Variants in LNX1 observed in about 807,000 individuals in gnomAD.
The protein encoded by LNX1 is ligand of numb-protein X 1.
Under a neutral mutation model 68.4 loss-of-function variants are expected in LNX1, and 54 were observed. That is an observed-to-expected ratio of 0.79 (90% CI 0.63 to 0.99). The LOEUF is 0.99. Among genes scored for constraint, LNX1 ranks in the 50% least tolerant of loss-of-function variants. The pLI is 0.00. For synonymous variants in LNX1, 336 were observed against 350.0 expected (o/e 0.96, Z 0.45); for missense variants, 906 against 926.4 (o/e 0.98, Z 0.29).
chr4:53,589,132 A>C (rs1477073755), intron 1 of LNX1, among the ~76,000 whole-genome samples: 1 of 152,188 alleles, frequency 6.6e-6, no homozygotes, highest in Non-Finnish European at 1.5e-5. Flanking sequence ...ACTCTCTGCC[A>C]AGTCAGATTA....
intron 1 of LNX1, among the ~76,000 whole-genome samples, chr4:53,633,824 G>C (rs1734365253): frequency 1.3e-5 from 2 of 152,192 alleles, no homozygotes; most frequent in African/African-American, 2.4e-5. Flanking sequence ...CCACAAACCA[G>C]CTGTGGGACT....
intron 9 of LNX1, among the ~76,000 whole-genome samples, chr4:53,465,006 A>G (rs1344429381): frequency 6.6e-6 from 1 of 152,174 alleles, no homozygotes; most frequent in Non-Finnish European, 1.5e-5. Flanking sequence ...GCAATATCAA[A>G]TTTATCACCT....
intron 1 of LNX1, among the ~76,000 whole-genome samples, chr4:53,623,422 A>T (rs1733958195): frequency 6.6e-6 from 1 of 151,664 alleles, no homozygotes; most frequent in South Asian, 2.1e-4. Context: ...TTTGGTAGAG[A>T]CAGGATTTCA....
chr4:53,549,167 TA>T, intron 2 of LNX1, among the ~76,000 whole-genome samples: 1 of 152,032 alleles, frequency 6.6e-6, no homozygotes, highest in Middle Eastern at 3.4e-3. Flanking sequence ...AAATCTAAAA[TA>T]AAAGTAAAAA....
upstream of LNX1, among the ~76,000 whole-genome samples, chr4:53,594,415 A>G (rs780249985): frequency 1.3e-5 from 2 of 152,124 alleles, no homozygotes; most frequent in Admixed American, 1.3e-4. Flanking sequence ...CCGAGTGGCC[A>G]TAAGAACATG....
chr4:53,511,722 A>C (rs184949720), intron 2 of LNX1, among the ~76,000 whole-genome samples: 2 of 152,252 alleles, frequency 1.3e-5, no homozygotes, highest in East Asian at 3.9e-4. Flanking sequence ...TTCCTGCAAA[A>C]CTTCTGAGTT....
At chr4:53,471,264 G>A (rs529188147) in intron 9 of LNX1, among the ~76,000 whole-genome samples, 2 of 151,998 alleles carry the variant, frequency 1.3e-5, no homozygotes, top group South Asian at 2.1e-4. Context: ...TTAATAAATG[G>A]TGCTGGGAAA....
At chr4:53,485,979 T>C (rs2109433306) in intron 6 of LNX1, among the ~76,000 whole-genome samples, 1 of 152,300 alleles carries the variant, frequency 6.6e-6, no homozygotes, top group East Asian at 1.9e-4. Context: ...TCTTGGGATG[T>C]TGCAATTTGG....
chr4:53,644,231 T>C (rs898905091), intron 1 of LNX1, among the ~76,000 whole-genome samples: 2 of 152,078 alleles, frequency 1.3e-5, no homozygotes, highest in African/African-American at 4.8e-5. Context: ...TGAAACTCTG[T>C]CTCTACTAAA....
Position 53,570,416 on chromosome 4 carries a change from A to C in LNX1, c.380+3207T>G, listed in dbSNP as rs1166952077. Among the ~76,000 whole-genome samples, 5 of 146,840 alleles carry C rather than the reference A, an allele frequency of 3.4e-5. No homozygotes were observed. The East Asian group carries it at 1.0e-3, about 29-fold the overall frequency. ...ATTCTCAGTAAACTATCACAAGAAC[A>C]AAAAACCAAATACCGCATATTCTGA... On this transcript the variant is annotated intron_variant, in intron 2 of 10. Transcript: ENST00000263925.
At chr4:53,602,808 C>T (rs1393543904) in intron 2 of LNX1, 3 of 152,196 alleles carry the variant, frequency 2.0e-5, no homozygotes, top group Admixed American at 6.5e-5. Flanking sequence ...TCTGTACATC[C>T]ATGACATATC....
intron 2 of LNX1, among the ~76,000 whole-genome samples, chr4:53,543,108 G>T (rs2109666163): frequency 6.6e-6 from 1 of 152,272 alleles, no homozygotes; most frequent in Non-Finnish European, 1.5e-5. Flanking sequence ...CAATTCTCCT[G>T]CCTCAGCCTC....
intron 1 of LNX1, among the ~76,000 whole-genome samples, chr4:53,633,184 G>A (rs776164638): frequency 2.0e-5 from 3 of 152,186 alleles, no homozygotes; most frequent in Non-Finnish European, 4.4e-5. Context: ...AGGATATTGT[G>A]ATGATCACAT....
At chr4:53,572,012 G>A (rs1401955967) in intron 2 of LNX1, among the ~76,000 whole-genome samples, 2 of 152,148 alleles carry the variant, frequency 1.3e-5, no homozygotes, top group Non-Finnish European at 2.9e-5. Flanking sequence ...GCAGCAACAA[G>A]AAATGAACAC....
intron 1 of LNX1, among the ~76,000 whole-genome samples, chr4:53,649,099 G>A (rs1472052042): frequency 6.6e-6 from 1 of 151,638 alleles, no homozygotes; most frequent in African/African-American, 2.4e-5. Flanking sequence ...GAATCCAAAA[G>A]GTTCTGATTT....
intron 4 of LNX1, among the ~76,000 whole-genome samples, chr4:53,501,609 A>T (rs755858795): frequency 2.6e-5 from 4 of 152,216 alleles, no homozygotes; most frequent in Non-Finnish European, 5.9e-5. Context: ...AGATGAAGAA[A>T]TGCTGAAGCT....
chr4:53,486,592 G>C (rs1724309784), intron 6 of LNX1, among the ~76,000 whole-genome samples: 1 of 152,160 alleles, frequency 6.6e-6, no homozygotes, highest in Non-Finnish European at 1.5e-5. Context: ...CAGTCAGATG[G>C]GAGTGCCATG....
In LNX1 at chr4:53,496,203, C is replaced by T. The variant is rs1456932418; in HGVS notation, c.1170G>A (p.Glu390=). 1 of 1,614,118 alleles carries T rather than the reference C, an allele frequency of 6.2e-7. No individual in the cohort carries two copies. Among genetic ancestry groups the T allele is most frequent in the Admixed American group, 1.7e-5 (1 of 60,014 alleles). ...FHVILNKSSP[E]EQLGIKLVRK... is the part of the protein sequence containing the mutation. ...GCACCAGTTTTATTCCAAGCTGCTC[C>T]TCGGGGCTACTTTTGTTGAGAATCA... The change falls in exon 6 of 11, where the codon GAG becomes GAA. Residue 390 remains glutamate, a synonymous_variant. Coordinates refer to ENST00000263925, the MANE Select transcript of LNX1 (RefSeq NM_001126328.3).
rs1357177218 is a variant in LNX1 at position 53,507,206 on chromosome 4, C to T, written c.775+111G>A. 14 of 1,165,350 alleles carry T rather than the reference C, an allele frequency of 1.2e-5. No homozygotes were observed. The African/African-American group carries it at 1.7e-4, about 14-fold the overall frequency. 72.2% of individuals were successfully genotyped at this position (1,165,350 alleles called of 1,614,324 possible). A position where few individuals can be genotyped will look rare whatever the true frequency, so the allele number is the denominator to read the frequency against. On this transcript the variant is annotated intron_variant, in intron 4 of 10. Coordinates refer to ENST00000263925, the MANE Select transcript of LNX1 (RefSeq NM_001126328.3). ...ATCAAAGTAAAAAATATTGTATACCCTTGGGAAGAGAGGGGTCACAGAAGG... is the reference window on the plus strand; with the variant it reads ...ATCAAAGTAAAAAATATTGTATACCTTTGGGAAGAGAGGGGTCACAGAAGG...
Sources: allele counts gnomAD v4.1 joint callset (sites outside exome capture counted in the v4.1 genomes callset), GRCh38; gene constraint gnomAD v4.1.1; transcripts MANE v1.5; gene names NCBI Gene and HGNC (gene_info 2026-07-23, HGNC 2026-07-21).